Variants in THEMIS observed in about 807,000 individuals in gnomAD.
THEMIS encodes the protein thymocyte selection associated, also known as protein THEMIS.
THEMIS carries 37 observed loss-of-function variants against 52.6 expected under a neutral mutation model. The ratio of observed to expected loss-of-function variants is 0.70; its 90% CI spans 0.54 to 0.93. The LOEUF (loss-of-function observed/expected upper bound fraction) is 0.93, where lower values mean the gene tolerates loss of function less well. Among genes scored for constraint, THEMIS ranks in the 40% least tolerant of loss-of-function variants. The pLI is 0.00. For missense variants in THEMIS, 808 were observed against 763.1 expected (o/e 1.06, Z -0.69); for synonymous variants, 292 against 272.7 (o/e 1.07, Z -0.70).
chr6:127,815,506 A>G (rs1778096521), intron 3 of THEMIS, among the ~76,000 whole-genome samples: 1 of 152,188 alleles, frequency 6.6e-6, no homozygotes, highest in Non-Finnish European at 1.5e-5. Flanking sequence ...AGGAAAAAGT[A>G]TTATTTTCTT....
intron 1 of THEMIS, among the ~76,000 whole-genome samples, chr6:127,875,995 A>G (rs1780302879): frequency 6.6e-6 from 1 of 152,254 alleles, no homozygotes; most frequent in African/African-American, 2.4e-5. Context: ...AGATTTAAAC[A>G]AATTAATGTG....
At chr6:127,879,729 G>A (rs1039314605) in intron 1 of THEMIS, among the ~76,000 whole-genome samples, 2 of 151,804 alleles carry the variant, frequency 1.3e-5, no homozygotes, top group East Asian at 3.9e-4. Context: ...AAAAAAACGA[G>A]GACTTAGTGC....
At chr6:127,790,224 C>T (rs1583281133) in intron 4 of THEMIS, among the ~76,000 whole-genome samples, 2 of 152,306 alleles carry the variant, frequency 1.3e-5, no homozygotes, top group East Asian at 1.9e-4. Context: ...CATTCCTATA[C>T]ACCAATTATG....
chr6:127,830,910 C>T (rs1315594704), intron 2 of THEMIS, among the ~76,000 whole-genome samples: 3 of 152,080 alleles, frequency 2.0e-5, no homozygotes, highest in Non-Finnish European at 2.9e-5. Flanking sequence ...CACCATGACT[C>T]TCAAGAGAAG....
chr6:127,752,673 A>G (rs1292786016), intron 4 of THEMIS, among the ~76,000 whole-genome samples: 4 of 151,728 alleles, frequency 2.6e-5, no homozygotes, highest in Non-Finnish European at 4.4e-5. Context: ...AAGAAGATTG[A>G]ATTAGTAATC....
chr6:127,789,300 A>G (rs1052181554), intron 4 of THEMIS, among the ~76,000 whole-genome samples: 12 of 152,194 alleles, frequency 7.9e-5, no homozygotes, highest in African/African-American at 2.7e-4. Context: ...TCCTGGACAC[A>G]TACACCCTCC....
intron 4 of THEMIS, among the ~76,000 whole-genome samples, chr6:127,802,609 C>T (rs575585181): frequency 2.6e-5 from 4 of 152,250 alleles, no homozygotes; most frequent in African/African-American, 9.6e-5. Flanking sequence ...AAACAGAAAA[C>T]TTCTAGGTCG....
chr6:127,895,017 A>G (rs988936435), intron 1 of THEMIS, among the ~76,000 whole-genome samples: 1 of 149,282 alleles, frequency 6.7e-6, no homozygotes, highest in African/African-American at 2.4e-5. Context: ...TGTATATATA[A>G]TACATATATT....
intron 4 of THEMIS, among the ~76,000 whole-genome samples, chr6:127,808,518 T>C (rs1383875966): frequency 6.6e-6 from 1 of 152,226 alleles, no homozygotes; most frequent in African/African-American, 2.4e-5. Context: ...ACATTATTTC[T>C]GCATTATGTC....
At chr6:127,760,712 G>A (rs532741599) in intron 4 of THEMIS, among the ~76,000 whole-genome samples, 66 of 152,150 alleles carry the variant, frequency 4.3e-4, no homozygotes, top group Middle Eastern at 6.8e-3. Flanking sequence ...AGGAGTTAAA[G>A]GTTGCAGTGA....
intron 1 of THEMIS, among the ~76,000 whole-genome samples, chr6:127,911,554 T>C (rs1781411613): frequency 6.6e-6 from 1 of 151,360 alleles, no homozygotes. Context: ...CACACACATA[T>C]AAATATTTCT....
chr6:127,771,313 A>G (rs916212341), intron 4 of THEMIS, among the ~76,000 whole-genome samples: 2 of 152,202 alleles, frequency 1.3e-5, no homozygotes, highest in African/African-American at 4.8e-5. Context: ...AGGAAGAATC[A>G]GTATCATGAA....
At chr6:127,718,259 C>A (rs954678319) in intron 5 of THEMIS, among the ~76,000 whole-genome samples, 1 of 151,782 alleles carries the variant, frequency 6.6e-6, no homozygotes, top group South Asian at 2.1e-4. Flanking sequence ...TAAATAAATG[C>A]ATGTTAAAAT....
downstream of THEMIS, among the ~76,000 whole-genome samples, chr6:127,706,039 C>T (rs1301680829): frequency 6.6e-6 from 1 of 152,066 alleles, no homozygotes; most frequent in Admixed American, 6.6e-5. Flanking sequence ...CGAGTATCTT[C>T]CCCCTTAACC....
rs544035701 is a variant in THEMIS, at chr6:127,805,426, G to A, written c.1758+7457C>T. ...TGCTGAGAGTTTTTCCTTAAATAAC[G>A]CATGCATGAATCTTTTCTTTGTCTA... On this transcript the variant is annotated intron_variant, in intron 4 of 5. Transcript: ENST00000368248. Among the ~76,000 whole-genome samples, 7 of 152,024 alleles carry A rather than the reference G, an allele frequency of 4.6e-5. 1 individual carries two copies. Among genetic ancestry groups the A allele is most frequent in the African/African-American group, 1.2e-4 (5 of 41,504 alleles).
At chr6:127,855,302 C>A in intron 1 of THEMIS, 114 bp from the exon 2 acceptor site, 1 of 857,816 alleles carries the variant, frequency 1.2e-6, no homozygotes, top group Non-Finnish European at 1.7e-6. Context: ...TAGCTACCTG[C>A]TAAACAGGAA....
rs375313614 is a variant in THEMIS at position 127,911,600 on chromosome 6, C to T, written c.-150+6828G>A. ...ATCTGTATTTACATAAGAATGTAAA[C>T]GTAAGTTCATACTGATATTGCCTAC... On this transcript the variant is annotated intron_variant, in intron 1 of 6. Coordinates refer to the THEMIS transcript ENST00000368250. Among the ~76,000 whole-genome samples, 25 of 151,434 alleles carry T rather than the reference C, an allele frequency of 1.7e-4. 1 individual carries two copies. The highest frequency in any genetic ancestry group is 8.5e-4 in the Admixed American group (13 of 15,244).
chr6:127,710,024 TA>T lies in THEMIS; in HGVS notation c.1895-9del, dbSNP rs754688573. 3.2e-5 allele frequency: 49 copies of T among 1,553,712 alleles called. No individual in the cohort carries two copies. Among genetic ancestry groups the T allele is most frequent in the Admixed American group, 1.7e-4 (9 of 54,194 alleles). On this transcript the variant is annotated splice_polypyrimidine_tract_variant and intron_variant, in intron 5 of 5. Coordinates refer to ENST00000368248, the MANE Select transcript of THEMIS (RefSeq NM_001010923.3). ...TTTCATTTTTGAATGTTTCTATAAA[TA>T]AAAAAAGAAGGGTTTATCAGAAATA... is the stretch of plus-strand genomic sequence containing the variant.
At chr6:127,879,623 G>GA (rs965851911) in intron 1 of THEMIS, among the ~76,000 whole-genome samples, 1,686 of 119,478 alleles carry the variant, frequency 0.014, 28 homozygotes, top group African/African-American at 0.036. Context: ...GTGTCACTCT[G>GA]AAAAAAAAAA....
Sources: allele counts gnomAD v4.1 joint callset (sites outside exome capture counted in the v4.1 genomes callset), GRCh38; gene constraint gnomAD v4.1.1; transcripts MANE v1.5; gene names NCBI Gene and HGNC (gene_info 2026-07-23, HGNC 2026-07-21).